The following WDR17 variants were observed in gnomAD, a reference collection of about 807,000 sequenced individuals.
WDR17 encodes WD repeat-containing protein 17.
In WDR17, 143 loss-of-function variants were observed where a neutral mutation model predicts 161.7. That is an observed-to-expected ratio of 0.88 (90% CI 0.77 to 1.02). The LOEUF (loss-of-function observed/expected upper bound fraction) is 1.02. Among genes scored for constraint, WDR17 ranks in the 50% least tolerant of loss-of-function variants. WDR17 has a pLI of 0.00. For missense variants in WDR17, 1,469 were observed against 1,520.9 expected, an observed-to-expected ratio of 0.97 and a Z score of 0.57; for synonymous variants, 517 against 515.6, an observed-to-expected ratio of 1.00 and a Z score of -0.04.
intron 23 of WDR17, among the ~76,000 whole-genome samples, chr4:176,170,559 C>T (rs1023322004): frequency 6.6e-6 from 1 of 152,128 alleles, no homozygotes; most frequent in African/African-American, 2.4e-5. Flanking sequence ...AGGTGATCCA[C>T]CCGCCTCAGC....
intron 22 of WDR17, among the ~76,000 whole-genome samples, chr4:176,165,495 A>G (rs1382579159): frequency 6.6e-6 from 1 of 152,236 alleles, no homozygotes; most frequent in African/African-American, 2.4e-5. Context: ...TAACTCCCTC[A>G]AAACTTAACT....
Position 176,173,256 on chromosome 4 carries a change from A to T in WDR17, c.3245-11A>T. 1 of 1,570,264 alleles carries T rather than the reference A, an allele frequency of 6.4e-7. No homozygotes were observed. The highest frequency in any genetic ancestry group is 8.7e-7 in the Non-Finnish European group (1 of 1,154,516). ...ATTTAATGAATCTTCCATCTGGTTT[A>T]ATTTTTCCAGAATACATCAGTAGCT... On this transcript the variant is annotated splice_polypyrimidine_tract_variant and intron_variant, in intron 24 of 28. Coordinates refer to ENST00000508596, the MANE Select transcript of WDR17 (RefSeq NM_181265.4).
chr4:176,158,547 T>C (rs1748515582), intron 18 of WDR17, among the ~76,000 whole-genome samples: 1 of 152,226 alleles, frequency 6.6e-6, no homozygotes, highest in African/African-American at 2.4e-5. Flanking sequence ...CATGTTGAGC[T>C]TGAAGTTCCT....
intron 18 of WDR17, 132 bp downstream of exon 18, chr4:176,156,275 A>T: frequency 1.2e-6 from 1 of 806,568 alleles, no homozygotes; most frequent in Non-Finnish European, 1.9e-6. Flanking sequence ...TAAATTTTGT[A>T]TCTACTGATA....
intron 10 of WDR17, among the ~76,000 whole-genome samples, chr4:176,141,586 C>A (rs189105430): frequency 6.6e-6 from 1 of 152,058 alleles, no homozygotes; most frequent in Non-Finnish European, 1.5e-5. Context: ...TGCACCACCA[C>A]GCCTGGCTAC....
At chr4:176,096,618 T>A (rs745803820) in intron 1 of WDR17, 2 of 1,535,880 alleles carry the variant, frequency 1.3e-6, no homozygotes, top group Non-Finnish European at 8.8e-7. Context: ...TACGATTTCC[T>A]GCGATTTTTT....
intron 4 of WDR17, 61 bp from the exon 5 acceptor site, chr4:176,125,043 A>G: frequency 6.4e-7 from 1 of 1,569,292 alleles, no homozygotes; most frequent in East Asian, 2.2e-5. Context: ...AGTTAGCATC[A>G]TCTAAATTAT....
At chr4:176,165,170 A>C (rs1749589086) in intron 22 of WDR17, among the ~76,000 whole-genome samples, 1 of 144,118 alleles carries the variant, frequency 6.9e-6, no homozygotes, top group African/African-American at 2.6e-5. Flanking sequence ...CTAAAATACA[A>C]AAAAAAAAAA....
chr4:176,144,344 C>A (rs1017369987), intron 11 of WDR17, among the ~76,000 whole-genome samples: 2 of 152,088 alleles, frequency 1.3e-5, no homozygotes, highest in African/African-American at 4.8e-5. Context: ...GAAATGTAAG[C>A]CCTATGAGAT....
intron 24 of WDR17, 23 bp downstream of exon 24, chr4:176,172,539 A>G: frequency 6.5e-7 from 1 of 1,536,544 alleles, no homozygotes; most frequent in South Asian, 1.2e-5. Flanking sequence ...TTGGTAGTAG[A>G]ATTTTAAATA....
chr4:176,168,939 A>C (rs989276723), intron 23 of WDR17, among the ~76,000 whole-genome samples, 156 bp downstream of exon 23: 2 of 152,222 alleles, frequency 1.3e-5, no homozygotes, highest in Non-Finnish European at 2.9e-5. Flanking sequence ...ATAGGAAGTA[A>C]CATTTACTGA....
chr4:176,141,341 C>T (rs573660143), intron 10 of WDR17, among the ~76,000 whole-genome samples: 1 of 152,092 alleles, frequency 6.6e-6, no homozygotes, highest in African/African-American at 2.4e-5. Context: ...TTTTGAACTA[C>T]CTCATTTTGA....
intron 1 of WDR17, among the ~76,000 whole-genome samples, chr4:176,095,674 C>A (rs554918790): frequency 6.6e-6 from 1 of 151,500 alleles, no homozygotes; most frequent in Admixed American, 6.6e-5. Context: ...TTCTCTTTTT[C>A]TCTTCCCTTC....
intron 22 of WDR17, among the ~76,000 whole-genome samples, chr4:176,164,783 C>A (rs1032720392): frequency 7.2e-5 from 11 of 152,214 alleles, no homozygotes; most frequent in East Asian, 3.9e-4. Flanking sequence ...TGTAAGAGCT[C>A]CCTTCCCCCA....
Position 176,181,067 on chromosome 4 carries a change from A to G in WDR17, c.*1488A>G. On this transcript the variant is annotated 3_prime_UTR_variant, in exon 29 of 29. Coordinates refer to ENST00000508596, the MANE Select transcript of WDR17 (RefSeq NM_181265.4). ...AACTTGTTGCATTTAAAATATTTTT[A>G]AAACCTTCTTAACAAAACTTCTTAA... The G allele has an allele frequency of 6.6e-6, 1 of 152,194 alleles. No individual in the cohort carries two copies. Among genetic ancestry groups the G allele is most frequent in the African/African-American group, 2.4e-5 (1 of 41,458 alleles). 9.4% of individuals were successfully genotyped at this position (152,194 alleles called of 1,614,324 possible).
chr4:176,112,788 A>G (rs982832741), intron 2 of WDR17, among the ~76,000 whole-genome samples: 1 of 152,124 alleles, frequency 6.6e-6, no homozygotes, highest in Non-Finnish European at 1.5e-5. Context: ...ACTTTCTGGC[A>G]CTTAGAAGAC....
chr4:176,137,024 A>ATTTTTGTTTTTATGTTTTATGTT (rs1744527913), intron 8 of WDR17, among the ~76,000 whole-genome samples: 1 of 151,544 alleles, frequency 6.6e-6, no homozygotes. Flanking sequence ...AACAGAAAGC[A>ATTTTTGTTTTTATGTTTTATGTT]TTGTTTATGT....
chr4:176,139,402 A>G (rs558085111), intron 9 of WDR17, among the ~76,000 whole-genome samples: 1 of 152,072 alleles, frequency 6.6e-6, no homozygotes, highest in East Asian at 1.9e-4. Flanking sequence ...GATTTATTAT[A>G]GGAATAACAT....
rs1303054910 is a variant in WDR17, at chr4:176,146,151, T to C, written c.1686T>C (p.Ser562=). The change falls in exon 12 of 29, where the codon TCT becomes TCC. Residue 562 remains serine (S), a synonymous_variant. Coordinates refer to ENST00000508596, the MANE Select transcript of WDR17 (RefSeq NM_181265.4). The part of the protein sequence containing the change: ...PLREGILCSG[S]DDGTVRIWDY... Reference sequence around the variant, plus strand: ...GAGAGGGAATTCTTTGCAGTGGTTCTGATGATGGGTATGTATTTTTGGATT... The same window carrying C: ...GAGAGGGAATTCTTTGCAGTGGTTCCGATGATGGGTATGTATTTTTGGATT... The C allele has an allele frequency of 1.2e-6, 2 of 1,612,504 alleles. No homozygotes were observed. Among genetic ancestry groups the C allele is most frequent in the East Asian group, 2.2e-5 (1 of 44,808 alleles).
Sources: gnomAD v4.1 joint callset for allele counts (sites outside exome capture counted in the v4.1 genomes callset) on GRCh38, gnomAD v4.1.1 for gene constraint, MANE v1.5 for transcripts, NCBI Gene and HGNC (gene_info 2026-07-23, HGNC 2026-07-21) for gene names.